Variants in SYTL3 observed in about 807,000 individuals in gnomAD.
The protein encoded by SYTL3 is synaptotagmin-like protein 3.
Under a neutral mutation model 82.1 loss-of-function variants are expected in SYTL3, and 88 were observed. That is an observed-to-expected ratio of 1.07 (90% CI 0.90 to 1.28). SYTL3 has a LOEUF of 1.28. Among genes scored for constraint, SYTL3 ranks in the 50% most tolerant of loss-of-function variants. The pLI is 0.00. For synonymous variants in SYTL3, 311 were observed against 289.4 expected, an observed-to-expected ratio of 1.07 and a Z score of -0.76; for missense variants, 831 against 757.6, an observed-to-expected ratio of 1.10 and a Z score of -1.14.
Position 158,665,681 on chromosome 6 carries a change from G to C in SYTL3, c.329+68G>C, listed in dbSNP as rs1175206574. 3.2e-6 allele frequency: 4 copies of C among 1,248,066 alleles called. No homozygotes were observed. In the African/African-American group the frequency reaches 6.0e-5, roughly 19 times the overall value. The allele number at this position is 1,248,066 out of a possible 1,614,324, so 77.3% of individuals were successfully genotyped here. ...CTCGGAGGAGGCCTCTTTACAAACCGCTCATAAAGAGAGCACTCACTCCTC... is the reference window on the plus strand; with the variant it reads ...CTCGGAGGAGGCCTCTTTACAAACCCCTCATAAAGAGAGCACTCACTCCTC... On this transcript the variant is annotated intron_variant, in intron 5 of 17. Coordinates refer to ENST00000611299, the MANE Select transcript of SYTL3 (RefSeq NM_001242394.2).
chr6:158,683,032 C>G (rs1279114209), intron 6 of SYTL3, 43 bp downstream of exon 6: 2 of 1,406,178 alleles, frequency 1.4e-6, no homozygotes, highest in East Asian at 4.6e-5. Context: ...ATGATCTATT[C>G]CTAGTTTTAA....
chr6:158,713,472 C>A (rs1376604221), intron 8 of SYTL3, among the ~76,000 whole-genome samples: 1 of 152,126 alleles, frequency 6.6e-6, no homozygotes, highest in African/African-American at 2.4e-5. Context: ...TACTTGAGTA[C>A]AGTCTTTGAG....
intron 6 of SYTL3, among the ~76,000 whole-genome samples, chr6:158,691,781 A>G (rs982743505): frequency 6.6e-6 from 1 of 150,938 alleles, no homozygotes; most frequent in Admixed American, 6.6e-5. Flanking sequence ...CCTCCTGAGT[A>G]GCTGGGACTA....
At chr6:158,653,793 A>G (rs1306814183) in intron 2 of SYTL3, among the ~76,000 whole-genome samples, 1 of 152,184 alleles carries the variant, frequency 6.6e-6, no homozygotes, top group Non-Finnish European at 1.5e-5. Context: ...ATTCACACGC[A>G]CTCATGCTAC....
intron 7 of SYTL3, among the ~76,000 whole-genome samples, chr6:158,707,520 C>T (rs375344452): frequency 5.9e-5 from 9 of 152,264 alleles, no homozygotes; most frequent in Admixed American, 2.0e-4. Context: ...TTCAGCTCTA[C>T]TTCTTAAATT....
chr6:158,720,109 T>A (rs1783905738), intron 10 of SYTL3, among the ~76,000 whole-genome samples: 1 of 150,658 alleles, frequency 6.6e-6, no homozygotes, highest in Non-Finnish European at 1.5e-5. Flanking sequence ...AAATTAAAAA[T>A]TTTAAAAATT....
rs143398999 is a variant in SYTL3 at position 158,764,591 on chromosome 6, T to C, written c.1820T>C (p.Leu607Pro). 5 of 1,612,614 alleles carry C rather than the reference T, an allele frequency of 3.1e-6. No homozygotes were observed. The African/African-American group carries it at 5.3e-5, about 17-fold the overall frequency. Reference protein sequence around the residue: ...SSPNLWTDMTLVLH With the variant: ...SSPNLWTDMTPVLH ...CCCAATCTATGGACAGACATGACTCTTGTCCTGCACTGACATGAAGGCCTC... is the reference window on the plus strand; with the variant it reads ...CCCAATCTATGGACAGACATGACTCCTGTCCTGCACTGACATGAAGGCCTC... The change falls in exon 18 of 18, where the codon CTT becomes CCT. Residue 607 changes from leucine (L) to proline (P), a missense_variant. Transcript: ENST00000611299.
At chr6:158,677,086 G>T (rs921089898) in intron 5 of SYTL3, among the ~76,000 whole-genome samples, 8 of 152,146 alleles carry the variant, frequency 5.3e-5, no homozygotes, top group Non-Finnish European at 1.2e-4. Flanking sequence ...AAATCATGCT[G>T]CTATAAAGAC....
intron 11 of SYTL3, among the ~76,000 whole-genome samples, chr6:158,736,649 A>T (rs1002093707): frequency 6.6e-6 from 1 of 150,426 alleles, no homozygotes; most frequent in Non-Finnish European, 1.5e-5. Flanking sequence ...TTAGCCAGGC[A>T]TGGTGGCAGG....
chr6:158,761,385 C>G (rs372294019), intron 15 of SYTL3, among the ~76,000 whole-genome samples: 29 of 144,748 alleles, frequency 2.0e-4, no homozygotes, highest in African/African-American at 7.4e-4. Flanking sequence ...TCACTGCAAG[C>G]TTCGCCTCCC....
chr6:158,725,754 C>T, intron 11 of SYTL3, 117 bp downstream of exon 11: 3 of 1,325,522 alleles, frequency 2.3e-6, no homozygotes, highest in Non-Finnish European at 3.1e-6. Context: ...TTTTGGAGAA[C>T]AGCAAGGCAT....
At chr6:158,730,387 TA>T (rs971845755) in intron 11 of SYTL3, among the ~76,000 whole-genome samples, 64 of 152,240 alleles carry the variant, frequency 4.2e-4, no homozygotes, top group African/African-American at 1.5e-3. Context: ...ATTGCCCTGC[TA>T]AAAAAACTTT....
chr6:158,754,431 A>G (rs1384556694), intron 13 of SYTL3, among the ~76,000 whole-genome samples: 1 of 152,214 alleles, frequency 6.6e-6, no homozygotes, highest in Non-Finnish European at 1.5e-5. Context: ...TTGAAAAGGT[A>G]GATTCTAGGC....
intron 6 of SYTL3, among the ~76,000 whole-genome samples, chr6:158,702,793 G>T (rs1334336569): frequency 6.6e-6 from 1 of 151,310 alleles, no homozygotes; most frequent in African/African-American, 2.4e-5. Flanking sequence ...TACAAAATCC[G>T]TTTTGTCACT....
At chr6:158,741,310 C>T (rs910109936) in intron 11 of SYTL3, among the ~76,000 whole-genome samples, 22 of 152,162 alleles carry the variant, frequency 1.4e-4, no homozygotes, top group African/African-American at 4.1e-4. Context: ...CTCAGGTGAT[C>T]CACCTGCCTT....
At chr6:158,711,509 G>C (rs944868699) in intron 8 of SYTL3, among the ~76,000 whole-genome samples, 1 of 152,220 alleles carries the variant, frequency 6.6e-6, no homozygotes, top group Non-Finnish European at 1.5e-5. Flanking sequence ...CAAGTCCCAA[G>C]GTGTCGGCGC....
intron 6 of SYTL3, 128 bp downstream of exon 6, chr6:158,683,117 C>A: frequency 1.6e-6 from 1 of 634,100 alleles, no homozygotes. Context: ...TCTTGCCATT[C>A]CATTTGCTGA....
chr6:158,694,575 A>C (rs6937400), intron 6 of SYTL3, among the ~76,000 whole-genome samples: 23,590 of 152,154 alleles, frequency 0.16, 2,145 homozygotes, highest in South Asian at 0.28. Context: ...GGTTACAGGC[A>C]TGAGCCACTG....
rs374002803 is a variant in SYTL3 at position 158,708,344 on chromosome 6, A to T, written c.469A>T (p.Thr157Ser). Residue 157 changes from threonine to serine, a missense_variant, in exon 8 of 18, where the codon ACT (threonine) becomes TCT (serine). By Grantham distance (58) the Thr-to-Ser change is moderately conservative (BLOSUM62 1). Coordinates refer to ENST00000611299, the MANE Select transcript of SYTL3 (RefSeq NM_001242394.2). The part of the protein sequence containing the change: ...KLSKISVVPP[T>S]PPPVSESQCS... ...CAGCAAAATTTCTGTGGTTCCTCCT[A>T]CTCCACCTCCTGTCAGCGAGAGCCA... 1 of 1,613,884 alleles carries T rather than the reference A, an allele frequency of 6.2e-7. No individual in the cohort carries two copies.
Sources: gnomAD v4.1 joint callset for allele counts (sites outside exome capture counted in the v4.1 genomes callset) on GRCh38, gnomAD v4.1.1 for gene constraint, MANE v1.5 for transcripts, NCBI Gene and HGNC (gene_info 2026-07-23, HGNC 2026-07-21) for gene names.